The following ANTXR2 variants were observed in gnomAD, a reference collection of about 807,000 sequenced individuals.
The protein encoded by ANTXR2 is ANTXR cell adhesion molecule 2, also known as anthrax toxin receptor 2.
In ANTXR2, 44 loss-of-function variants were observed where a neutral mutation model predicts 73.7. The observed-to-expected ratio is 0.60, with a 90% confidence interval of 0.47 to 0.77. ANTXR2 has a LOEUF of 0.77. ANTXR2 is among the 30% of genes least tolerant of loss of function. The pLI is 0.00. For missense variants in ANTXR2, 604 were observed against 592.5 expected (o/e 1.02, Z -0.20); for synonymous variants, 217 against 205.9 (o/e 1.05, Z -0.46).
intron 11 of ANTXR2, among the ~76,000 whole-genome samples, chr4:80,015,555 C>T (rs1731796091): frequency 6.6e-6 from 1 of 152,000 alleles, no homozygotes; most frequent in East Asian, 1.9e-4. Flanking sequence ...TTCACCATCA[C>T]ATGTGTGTCC....
intron 7 of ANTXR2, among the ~76,000 whole-genome samples, chr4:80,048,954 G>T (rs189309623): frequency 6.6e-6 from 1 of 151,494 alleles, no homozygotes; most frequent in Non-Finnish European, 1.5e-5. Context: ...ATGGATGATC[G>T]TTCCCTTCCT....
chr4:79,945,055 G>C (rs960734247), intron 16 of ANTXR2, among the ~76,000 whole-genome samples: 1 of 152,016 alleles, frequency 6.6e-6, no homozygotes, highest in Admixed American at 6.6e-5. Context: ...AGCTTTACTG[G>C]AGATAGATTC....
chr4:79,938,007 G>A (rs1314878878), intron 16 of ANTXR2, among the ~76,000 whole-genome samples: 4 of 89,414 alleles, frequency 4.5e-5, no homozygotes, highest in African/African-American at 8.9e-5. Context: ...CGAATATTGC[G>A]CTTTTCAGAC....
At chr4:80,053,968 T>G (rs1369621868) in intron 7 of ANTXR2, among the ~76,000 whole-genome samples, 1 of 151,610 alleles carries the variant, frequency 6.6e-6, no homozygotes, top group Admixed American at 6.6e-5. Flanking sequence ...CCTATAAAAC[T>G]TTCAGGATAT....
intron 16 of ANTXR2, among the ~76,000 whole-genome samples, chr4:79,917,129 A>C (rs1012273903): frequency 6.6e-6 from 1 of 152,222 alleles, no homozygotes; most frequent in Non-Finnish European, 1.5e-5. Flanking sequence ...AGAACATGGC[A>C]GGAAAGCTGG....
chr4:80,069,576 G>A (rs1031208627), intron 2 of ANTXR2, 69 bp from the exon 3 acceptor site: 136 of 1,237,578 alleles, frequency 1.1e-4, no homozygotes, highest in Non-Finnish European at 1.5e-4. Flanking sequence ...CAGATGTATA[G>A]TTAGGGAGGT....
At position 79,986,571 on chromosome 4, in the gene ANTXR2, A is replaced by G. The variant is rs539219649; in HGVS notation, c.1042-1708T>C. ...TACAGATAAAGAAAGATTGACAATA[A>G]TGCTCCACCACTGCATACACACCAG... On this transcript the variant is annotated intron_variant, in intron 12 of 16. Transcript: ENST00000403729. Among the ~76,000 whole-genome samples the G allele has an allele frequency of 2.0e-5, 3 of 152,284 alleles. No individual in the cohort carries two copies. The East Asian group carries it at 5.8e-4, about 29-fold the overall frequency.
At position 80,056,719 on chromosome 4, in the gene ANTXR2, A is replaced by G. The variant is rs113164962; in HGVS notation, c.297-706T>C. ...CCTTGGAAGAGACACTATGAATGAA[A>G]GCAATTAAAAACTATAGAATAATTT... On this transcript the variant is annotated intron_variant, in intron 3 of 16. Transcript: ENST00000403729. 2.0e-5 allele frequency among the ~76,000 whole-genome samples: 3 copies of G among 152,036 alleles called. 1 individual carries two copies. Among genetic ancestry groups the G allele is most frequent in the African/African-American group, 7.2e-5 (3 of 41,542 alleles).
At chr4:80,010,044 T>C (rs1431047241) in intron 11 of ANTXR2, among the ~76,000 whole-genome samples, 1 of 63,678 alleles carries the variant, frequency 1.6e-5, no homozygotes, top group African/African-American at 5.2e-5. Context: ...TTTTGTTTTG[T>C]GGTTTTTTTT....
chr4:80,010,195 C>T (rs1019013094), intron 11 of ANTXR2, among the ~76,000 whole-genome samples: 1 of 151,992 alleles, frequency 6.6e-6, no homozygotes, highest in Non-Finnish European at 1.5e-5. Context: ...TCTTTCTTTA[C>T]AAAATTCTAA....
At chr4:80,047,297 AAT>A (rs1733563740) in intron 7 of ANTXR2, among the ~76,000 whole-genome samples, 2 of 151,526 alleles carry the variant, frequency 1.3e-5, no homozygotes, top group African/African-American at 4.9e-5. Context: ...AAGATCAGTT[AAT>A]AAAATGAATA....
Position 79,907,342 on chromosome 4 carries a change from A to G in ANTXR2, c.*87T>C. 1 of 1,419,634 alleles carries G rather than the reference A, an allele frequency of 7.0e-7. No individual in the cohort carries two copies. The allele number at this position is 1,419,634 out of a possible 1,614,324, so 87.9% of individuals were successfully genotyped here. The stretch of plus-strand genomic sequence containing the variant: ...AAGCTGCTCTTCCAAAAGCTTCTGA[A>G]ATGCACTTGATTTTTTTCATTTGGT... On this transcript the variant is annotated 3_prime_UTR_variant, in exon 17 of 17. Coordinates refer to ENST00000403729, the MANE Select transcript of ANTXR2 (RefSeq NM_058172.6).
chr4:79,910,373 G>A (rs1413663230), intron 16 of ANTXR2, among the ~76,000 whole-genome samples: 1 of 151,736 alleles, frequency 6.6e-6, no homozygotes, highest in African/African-American at 2.4e-5. Context: ...GCTGGGCGTG[G>A]TAGCGCATGC....
chr4:80,043,799 A>G (rs1435680602), intron 7 of ANTXR2, among the ~76,000 whole-genome samples: 3 of 151,964 alleles, frequency 2.0e-5, no homozygotes, highest in Non-Finnish European at 4.4e-5. Flanking sequence ...GCAGGAGATG[A>G]AAGTAGATTC....
intron 16 of ANTXR2, among the ~76,000 whole-genome samples, chr4:79,952,667 G>A (rs1049979703): frequency 1.1e-4 from 17 of 151,604 alleles, no homozygotes; most frequent in African/African-American, 4.1e-4. Context: ...AATTTCACTT[G>A]TTTATTATTT....
At chr4:79,986,120 C>T (rs1730149726) in intron 12 of ANTXR2, among the ~76,000 whole-genome samples, 1 of 152,084 alleles carries the variant, frequency 6.6e-6, no homozygotes, top group Non-Finnish European at 1.5e-5. Flanking sequence ...GTTAATTCTT[C>T]ACGTGAATAG....
At position 79,997,258 on chromosome 4, in the gene ANTXR2, G is replaced by C. The variant is rs182120003; in HGVS notation, c.1041+11263C>G. 1.5e-4 allele frequency among the ~76,000 whole-genome samples: 22 copies of C among 150,392 alleles called. No individual in the cohort carries two copies. In the East Asian group the frequency reaches 3.3e-3, roughly 23 times the overall value. ...AGAACTGTCAACATTGAATTGCCTTGGATTAAAAAAAAAAGATATTGTACA... is the reference window on the plus strand; with the variant it reads ...AGAACTGTCAACATTGAATTGCCTTCGATTAAAAAAAAAAGATATTGTACA... On this transcript the variant is annotated intron_variant, in intron 12 of 16. Coordinates refer to ENST00000403729, the MANE Select transcript of ANTXR2 (RefSeq NM_058172.6).
chr4:79,959,964 T>C (rs921941712), intron 16 of ANTXR2, among the ~76,000 whole-genome samples: 5 of 152,160 alleles, frequency 3.3e-5, no homozygotes, highest in South Asian at 4.1e-4. Context: ...AGAAAGATAA[T>C]GGGAGAGTAA....
intron 7 of ANTXR2, among the ~76,000 whole-genome samples, chr4:80,046,225 A>G (rs1386769115): frequency 1.3e-5 from 2 of 151,780 alleles, no homozygotes; most frequent in Non-Finnish European, 2.9e-5. Context: ...TTAAAACTTT[A>G]GTTTCTTCCA....
Sources: gnomAD v4.1 joint callset for allele counts (sites outside exome capture counted in the v4.1 genomes callset) on GRCh38, gnomAD v4.1.1 for gene constraint, MANE v1.5 for transcripts, NCBI Gene and HGNC (gene_info 2026-07-23, HGNC 2026-07-21) for gene names.